Variants in NTM observed in about 807,000 individuals in gnomAD.
NTM encodes IgLON family member 2.
A neutral mutation model predicts 42.1 loss-of-function variants in NTM; 13 were observed. That is an observed-to-expected ratio of 0.31 (90% CI 0.20 to 0.49). NTM has a LOEUF of 0.49. NTM is among the 20% of genes least tolerant of loss of function. The probability of loss-of-function intolerance (pLI) is 0.99; values close to 1 mark genes in which losing one functional copy is unlikely to be tolerated. For missense variants in NTM, 373 were observed against 452.8 expected, an observed-to-expected ratio of 0.82 and a Z score of 1.60; for synonymous variants, 187 against 179.2, an observed-to-expected ratio of 1.04 and a Z score of -0.35.
At chr11:131,790,483 C>G (rs1332653189) in intron 1 of NTM, among the ~76,000 whole-genome samples, 1 of 152,144 alleles carries the variant, frequency 6.6e-6, no homozygotes, top group Admixed American at 6.5e-5. Context: ...TAAAGTCTCC[C>G]CTACTGACAC....
At chr11:131,860,872 A>C (rs1233202481) in intron 1 of NTM, among the ~76,000 whole-genome samples, 1 of 152,184 alleles carries the variant, frequency 6.6e-6, no homozygotes, top group African/African-American at 2.4e-5. Flanking sequence ...CATACTTATG[A>C]AAAAGGCCTG....
chr11:131,915,269 C>A (rs984761657), intron 2 of NTM, among the ~76,000 whole-genome samples: 1 of 152,178 alleles, frequency 6.6e-6, no homozygotes, highest in African/African-American at 2.4e-5. Context: ...TATTCAGGAC[C>A]CTTTGGATTC....
At chr11:131,554,242 A>G (rs1043299939) in intron 1 of NTM, among the ~76,000 whole-genome samples, 1 of 152,218 alleles carries the variant, frequency 6.6e-6, no homozygotes, top group African/African-American at 2.4e-5. Flanking sequence ...TTCCTAGGAC[A>G]ATGCTTGGCC....
chr11:131,470,224 T>A (rs1389891342), intron 1 of NTM, among the ~76,000 whole-genome samples: 1 of 152,242 alleles, frequency 6.6e-6, no homozygotes, highest in Non-Finnish European at 1.5e-5. Context: ...AGTGGGAAAG[T>A]AGGACTCTAA....
chr11:131,444,203 C>CAAAAAAAAAAAAAAAAAAAAAAAAAAAAA (rs71475757), intron 1 of NTM, among the ~76,000 whole-genome samples: 1 of 49,516 alleles, frequency 2.0e-5, no homozygotes, highest in Non-Finnish European at 3.6e-5. Context: ...AGGTTAGAAC[C>CAAAAAAAAAAAAAAAAAAAAAAAAAAAAA]AAAAAAAAAA....
At chr11:132,273,030 A>G (rs968855289) in intron 4 of NTM, among the ~76,000 whole-genome samples, 2 of 151,898 alleles carry the variant, frequency 1.3e-5, no homozygotes, top group African/African-American at 4.8e-5. Context: ...TTTTTTGTAG[A>G]TCCACTTCTA....
intron 2 of NTM, among the ~76,000 whole-genome samples, chr11:131,929,164 A>G (rs2058304318): frequency 6.6e-6 from 1 of 152,226 alleles, no homozygotes. Context: ...GAAAGGAGGA[A>G]GTGTGCGAGT....
chr11:131,460,905 A>G (rs761431571), intron 1 of NTM, among the ~76,000 whole-genome samples: 57 of 152,298 alleles, frequency 3.7e-4, no homozygotes, highest in Non-Finnish European at 6.5e-4. Context: ...GCTGAGCAAC[A>G]GTGTTGCAGA....
intron 1 of NTM, among the ~76,000 whole-genome samples, chr11:131,908,902 A>G (rs1437213001): frequency 1.3e-5 from 2 of 152,182 alleles, no homozygotes; most frequent in Non-Finnish European, 2.9e-5. Flanking sequence ...TGCTCCCCGC[A>G]GATGTAATTG....
At chr11:131,963,557 T>C (rs1214178763) in intron 2 of NTM, among the ~76,000 whole-genome samples, 2 of 152,208 alleles carry the variant, frequency 1.3e-5, no homozygotes, top group African/African-American at 2.4e-5. Flanking sequence ...TCCTGTGACC[T>C]TGCTAAAAGG....
chr11:132,313,909 C>T (rs764084886), intron 6 of NTM, among the ~76,000 whole-genome samples: 1 of 152,154 alleles, frequency 6.6e-6, no homozygotes, highest in Non-Finnish European at 1.5e-5. Flanking sequence ...ACCTCTAATC[C>T]TTCCAGACTA....
chr11:132,078,562 C>T (rs546800471), intron 2 of NTM, among the ~76,000 whole-genome samples: 72 of 152,312 alleles, frequency 4.7e-4, no homozygotes, highest in South Asian at 1.7e-3. Flanking sequence ...AAATAATCTC[C>T]TAAGAGACAT....
At chr11:131,828,962 C>G (rs780971196) in intron 1 of NTM, among the ~76,000 whole-genome samples, 5 of 151,890 alleles carry the variant, frequency 3.3e-5, no homozygotes, top group Non-Finnish European at 5.9e-5. Flanking sequence ...CTTCCTCTCC[C>G]TCCATCACTC....
At chr11:131,693,834 G>A (rs2075095921) in intron 1 of NTM, among the ~76,000 whole-genome samples, 1 of 152,178 alleles carries the variant, frequency 6.6e-6, no homozygotes, top group African/African-American at 2.4e-5. Flanking sequence ...TAATTGATTA[G>A]AAACTGGAAG....
chr11:131,536,842 G>A (rs960346445), intron 1 of NTM: 2 of 152,250 alleles, frequency 1.3e-5, no homozygotes, highest in African/African-American at 4.8e-5. Context: ...CTGGAAGAAT[G>A]TACAAGATTT....
intron 7 of NTM, among the ~76,000 whole-genome samples, chr11:132,327,159 C>T (rs192041800): frequency 3.2e-4 from 48 of 152,334 alleles, no homozygotes; most frequent in Middle Eastern, 6.8e-3. Flanking sequence ...GGATGTTCCA[C>T]CATCCCTCAC....
intron 2 of NTM, among the ~76,000 whole-genome samples, chr11:131,985,151 TAATC>T (rs1356038016): frequency 6.6e-6 from 1 of 152,060 alleles, no homozygotes; most frequent in Non-Finnish European, 1.5e-5. Context: ...CAAAGAGGAG[TAATC>T]AATCCCAGAA....
intron 1 of NTM, among the ~76,000 whole-genome samples, chr11:131,817,423 T>A (rs534007938): frequency 8.3e-4 from 126 of 152,268 alleles, no homozygotes; most frequent in African/African-American, 2.5e-3. Context: ...ACTTTTTTTT[T>A]AAGCAAACAC....
chr11:131,770,424 T>G (rs1195513178), intron 1 of NTM, among the ~76,000 whole-genome samples: 1 of 152,180 alleles, frequency 6.6e-6, no homozygotes. Flanking sequence ...GTACTCACAT[T>G]TCAAATGACA....
Sources: gnomAD v4.1 joint callset for allele counts (sites outside exome capture counted in the v4.1 genomes callset) on GRCh38, gnomAD v4.1.1 for gene constraint, MANE v1.5 for transcripts, NCBI Gene and HGNC (gene_info 2026-07-23, HGNC 2026-07-21) for gene names.